The following DMXL1 variants were observed in gnomAD, a reference collection of about 807,000 sequenced individuals.
DMXL1 encodes the protein Dmx like 1, also known as dmX-like protein 1.
In DMXL1, 99 loss-of-function variants were observed where a neutral mutation model predicts 319.2. The observed-to-expected ratio is 0.31, with a 90% CI of 0.26 to 0.37. The LOEUF (loss-of-function observed/expected upper bound fraction) is 0.37, where lower values mean the gene tolerates loss of function less well. Among genes scored for constraint, DMXL1 ranks in the 10% least tolerant of loss-of-function variants. The probability of loss-of-function intolerance (pLI) is 1.00; values close to 1 mark genes in which losing one functional copy is unlikely to be tolerated. For synonymous variants in DMXL1, 1,385 were observed against 1,235.2 expected (o/e 1.12, Z -2.54); for missense variants, 3,745 against 3,595.6 (o/e 1.04, Z -1.06).
At chr5:119,110,998 A>G (rs1489593931) in intron 5 of DMXL1, among the ~76,000 whole-genome samples, 1 of 152,202 alleles carries the variant, frequency 6.6e-6, no homozygotes, top group Non-Finnish European at 1.5e-5. Flanking sequence ...CATGTTGGCC[A>G]GGCTGGTCTT....
intron 39 of DMXL1, among the ~76,000 whole-genome samples, chr5:119,233,827 G>C (rs1787220324): frequency 6.6e-6 from 1 of 152,070 alleles, no homozygotes; most frequent in Admixed American, 6.6e-5. Flanking sequence ...GCATATTATT[G>C]TTCCTTCTCC....
intron 39 of DMXL1, among the ~76,000 whole-genome samples, chr5:119,234,866 C>T (rs1173999201): frequency 2.0e-5 from 3 of 152,060 alleles, no homozygotes; most frequent in Non-Finnish European, 2.9e-5. Context: ...CTTCAAGGCT[C>T]CTCATGTCAA....
At chr5:119,229,035 C>A (rs1786147315) in intron 38 of DMXL1, among the ~76,000 whole-genome samples, 1 of 143,210 alleles carries the variant, frequency 7.0e-6, no homozygotes, top group African/African-American at 2.6e-5. Context: ...AAAATCTCGG[C>A]TGGGCGCGGT....
At chr5:119,103,325 C>T (rs761872108) in intron 3 of DMXL1, among the ~76,000 whole-genome samples, 1 of 152,096 alleles carries the variant, frequency 6.6e-6, no homozygotes, top group African/African-American at 2.4e-5. Flanking sequence ...AGCAGACATA[C>T]CTTTATATAT....
intron 31 of DMXL1, 59 bp downstream of exon 31, chr5:119,196,515 G>GTTTTTTT: frequency 3.6e-5 from 20 of 560,630 alleles, no homozygotes; most frequent in East Asian, 7.0e-5. Context: ...CTACTCTGTT[G>GTTTTTTT]TTTTTTTTTT....
chr5:119,098,716 A>G (rs139651661), intron 2 of DMXL1, among the ~76,000 whole-genome samples: 139 of 152,376 alleles, frequency 9.1e-4, no homozygotes, highest in African/African-American at 3.2e-3. Flanking sequence ...CTGTAGTACC[A>G]GAATGAGAAA....
chr5:119,184,468 T>G (rs1202054361), intron 28 of DMXL1, among the ~76,000 whole-genome samples: 1 of 152,182 alleles, frequency 6.6e-6, no homozygotes, highest in Non-Finnish European at 1.5e-5. Context: ...CAAAATGGCT[T>G]GAATATATTT....
chr5:119,131,965 A>C (rs1764995797), intron 10 of DMXL1, among the ~76,000 whole-genome samples: 1 of 152,246 alleles, frequency 6.6e-6, no homozygotes, highest in African/African-American at 2.4e-5. Context: ...GATAAAACAT[A>C]ATCTGAAGAA....
At chr5:119,237,288 T>A (rs772468002) in intron 39 of DMXL1, 34 bp from the exon 40 acceptor site, 13 of 1,279,064 alleles carry the variant, frequency 1.0e-5, no homozygotes, top group Non-Finnish European at 1.3e-5. Flanking sequence ...TTTATATTTA[T>A]ATTAAATACT....
intron 1 of DMXL1, among the ~76,000 whole-genome samples, chr5:119,092,063 T>G (rs1475549178): frequency 6.6e-6 from 1 of 152,114 alleles, no homozygotes; most frequent in East Asian, 1.9e-4. Context: ...GAAACAATGT[T>G]TGGGGAAATT....
intron 1 of DMXL1, chr5:119,081,486 G>C: frequency 1.2e-6 from 1 of 813,894 alleles, no homozygotes; most frequent in South Asian, 5.6e-5. Context: ...AAAACTGCTT[G>C]AGAACATACT....
intron 34 of DMXL1, among the ~76,000 whole-genome samples, chr5:119,210,524 A>G (rs1782569970): frequency 6.6e-6 from 1 of 152,114 alleles, no homozygotes; most frequent in African/African-American, 2.4e-5. Flanking sequence ...TTACAGCATT[A>G]TTTCTTGAAA....
At chr5:119,102,219 A>G (rs1757423232) in intron 3 of DMXL1, 1 of 362,754 alleles carries the variant, frequency 2.8e-6, no homozygotes, top group Non-Finnish European at 5.0e-6. Context: ...GAAATGCTTT[A>G]TTATTTTATT....
intron 25 of DMXL1, among the ~76,000 whole-genome samples, chr5:119,173,481 C>T (rs1254293270): frequency 6.6e-6 from 1 of 151,710 alleles, no homozygotes; most frequent in Non-Finnish European, 1.5e-5. Context: ...TGGACTCTCT[C>T]ATTCATCTTT....
rs111869408 is a variant in DMXL1 at position 119,078,723 on chromosome 5, A to T, written c.87+7067A>T. Among the ~76,000 whole-genome samples the T allele has an allele frequency of 4.8e-3, 731 of 152,256 alleles. 3 individuals carry two copies. The highest frequency in any genetic ancestry group is 0.017 in the African/African-American group (691 of 41,554). On this transcript the variant is annotated intron_variant, in intron 1 of 43. Coordinates refer to ENST00000539542, the MANE Select transcript of DMXL1 (RefSeq NM_001290321.3). The stretch of plus-strand genomic sequence containing the variant: ...CACCTTGGCCTCTCAAAATGCTGGG[A>T]TTACAGACATGACCCACTGCACCCA...
At chr5:119,184,059 C>CTTTTTTTTTTTTTTTTTTTTTT (rs1404022848) in intron 28 of DMXL1, among the ~76,000 whole-genome samples, 1 of 140,414 alleles carries the variant, frequency 7.1e-6, no homozygotes, top group African/African-American at 2.8e-5. Context: ...GTTTTCTTCT[C>CTTTTTTTTTTTTTTTTTTTTTT]TTTTTTTTTT....
chr5:119,153,151 A>G (rs1770217099), intron 19 of DMXL1, among the ~76,000 whole-genome samples: 1 of 151,874 alleles, frequency 6.6e-6, no homozygotes, highest in Non-Finnish European at 1.5e-5. Context: ...TAATTTTTGT[A>G]TTTTTAATAG....
At position 119,134,409 on chromosome 5, in the gene DMXL1, A is replaced by G. The variant is rs760477917; in HGVS notation, c.2376+20A>G. On this transcript the variant is annotated intron_variant, in intron 13 of 43. Transcript: ENST00000539542. ...ATTTCTGTAAGTAATGTCTTTTAAAACAGCTTAAGTATATAATATTATGTT... is the reference window on the plus strand; with the variant it reads ...ATTTCTGTAAGTAATGTCTTTTAAAGCAGCTTAAGTATATAATATTATGTT... The G allele has an allele frequency of 1.9e-6, 3 of 1,586,640 alleles. No individual in the cohort carries two copies. Among genetic ancestry groups the G allele is most frequent in the South Asian group, 1.1e-5 (1 of 88,836 alleles).
intron 1 of DMXL1, among the ~76,000 whole-genome samples, chr5:119,097,203 G>A (rs1314227095): frequency 1.3e-5 from 2 of 152,202 alleles, no homozygotes; most frequent in South Asian, 4.1e-4. Context: ...CACCATTTAG[G>A]ATATTGACCA....
Sources: gnomAD v4.1 joint callset for allele counts (sites outside exome capture counted in the v4.1 genomes callset) on GRCh38, gnomAD v4.1.1 for gene constraint, MANE v1.5 for transcripts, NCBI Gene and HGNC (gene_info 2026-07-23, HGNC 2026-07-21) for gene names.